The following ADGRL2 variants were observed in gnomAD, a reference collection of about 807,000 sequenced individuals.
ADGRL2 encodes adhesion G protein-coupled receptor L2, also known as calcium-independent alpha-latrotoxin receptor 2.
ADGRL2 carries 44 observed loss-of-function variants against 157.4 expected under a neutral mutation model. The ratio of observed to expected loss-of-function variants is 0.28; its 90% CI spans 0.22 to 0.36. The LOEUF (loss-of-function observed/expected upper bound fraction) is 0.36, where lower values mean the gene tolerates loss of function less well. Among genes scored for constraint, ADGRL2 ranks in the 10% least tolerant of loss-of-function variants. The pLI is 1.00. For missense variants in ADGRL2, 1,510 were observed against 1,768.9 expected, an observed-to-expected ratio of 0.85 and a Z score of 2.63; for synonymous variants, 585 against 624.7, an observed-to-expected ratio of 0.94 and a Z score of 0.95.
chr1:81,934,297 G>A (rs1054747878), intron 3 of ADGRL2, among the ~76,000 whole-genome samples: 2 of 151,900 alleles, frequency 1.3e-5, no homozygotes, highest in African/African-American at 4.8e-5. Flanking sequence ...TTATTATGGT[G>A]TTGGTCCTCT....
At chr1:81,656,085 A>G (rs2082528290) in intron 3 of ADGRL2, among the ~76,000 whole-genome samples, 1 of 152,180 alleles carries the variant, frequency 6.6e-6, no homozygotes, top group African/African-American at 2.4e-5. Flanking sequence ...CATTCCCATG[A>G]TATACTATTG....
chr1:81,612,354 G>C (rs1255212319), intron 3 of ADGRL2, among the ~76,000 whole-genome samples: 2 of 152,164 alleles, frequency 1.3e-5, no homozygotes, highest in African/African-American at 2.4e-5. Context: ...GGCACCATCA[G>C]GGCCTGGATC....
chr1:81,491,563 CA>C (rs2147952609), intron 2 of ADGRL2, among the ~76,000 whole-genome samples: 1 of 152,120 alleles, frequency 6.6e-6, no homozygotes, highest in South Asian at 2.1e-4. Flanking sequence ...GAAGGGATTC[CA>C]ACATCTCAAA....
At chr1:81,968,284 C>G in intron 14 of ADGRL2, 85 bp downstream of exon 14, 7 of 1,121,120 alleles carry the variant, frequency 6.2e-6, no homozygotes, top group Non-Finnish European at 7.9e-6. Flanking sequence ...TCTTTGGGTG[C>G]TTACCGTAAC....
intron 1 of ADGRL2, among the ~76,000 whole-genome samples, chr1:81,342,951 T>C (rs1040800995): frequency 6.6e-6 from 1 of 152,110 alleles, no homozygotes; most frequent in East Asian, 1.9e-4. Context: ...ATAGATACTC[T>C]GAGAAAAAAG....
At chr1:81,922,318 G>A (rs773348583) in intron 3 of ADGRL2, among the ~76,000 whole-genome samples, 12 of 151,986 alleles carry the variant, frequency 7.9e-5, no homozygotes, top group Admixed American at 5.2e-4. Flanking sequence ...TTTTCCTTTC[G>A]GGCATTGTGA....
chr1:81,361,330 T>C (rs560972016), intron 1 of ADGRL2, among the ~76,000 whole-genome samples: 4 of 151,934 alleles, frequency 2.6e-5, no homozygotes, highest in Non-Finnish European at 5.9e-5. Flanking sequence ...CTCTCAGTAA[T>C]AGTCAAACTT....
chr1:81,721,911 C>T, intron 1 of ADGRL2: 2 of 705,358 alleles, frequency 2.8e-6, no homozygotes, highest in Non-Finnish European at 5.2e-6. Context: ...GGCAGACAAA[C>T]CATCAAGTGA....
chr1:81,460,948 T>G (rs186619959), intron 2 of ADGRL2, among the ~76,000 whole-genome samples: 33 of 152,336 alleles, frequency 2.2e-4, no homozygotes, highest in Admixed American at 2.2e-3. Context: ...GCAGTACTTA[T>G]GCAGATGTAT....
chr1:81,307,049 A>G (rs951237792), intron 1 of ADGRL2, among the ~76,000 whole-genome samples: 6 of 152,234 alleles, frequency 3.9e-5, no homozygotes, highest in Non-Finnish European at 8.8e-5. Context: ...ATTCTTCACC[A>G]TTTTAAAATT....
chr1:81,537,388 A>G (rs150459489), intron 2 of ADGRL2, among the ~76,000 whole-genome samples: 6,522 of 152,130 alleles, frequency 0.043, 472 homozygotes, highest in African/African-American at 0.15. Context: ...GGTTCAAGCA[A>G]TTCTCCTGCC....
At chr1:81,461,933 G>C (rs958938500) in intron 2 of ADGRL2, among the ~76,000 whole-genome samples, 28 of 121,764 alleles carry the variant, frequency 2.3e-4, no homozygotes, top group Non-Finnish European at 3.0e-4. Context: ...AGAAGAAAGG[G>C]GGGGGGGGGT....
At chr1:81,747,066 G>A (rs2085300193) in intron 1 of ADGRL2, among the ~76,000 whole-genome samples, 4 of 145,138 alleles carry the variant, frequency 2.8e-5, no homozygotes, top group Non-Finnish European at 6.0e-5. Flanking sequence ...ATACACATGT[G>A]TATATATGTA....
intron 3 of ADGRL2, chr1:81,596,358 A>C (rs2081233238): frequency 3.8e-6 from 2 of 520,514 alleles, no homozygotes; most frequent in Non-Finnish European, 7.5e-6. Context: ...TTGTCCTTTC[A>C]CTTCGAGATT....
chr1:81,390,524 G>C (rs1280759935), intron 1 of ADGRL2, among the ~76,000 whole-genome samples: 1 of 152,308 alleles, frequency 6.6e-6, no homozygotes, highest in African/African-American at 2.4e-5. Flanking sequence ...CTTATGACAG[G>C]AAAGCTCAAA....
intron 1 of ADGRL2, among the ~76,000 whole-genome samples, chr1:81,383,454 G>C (rs953001255): frequency 6.6e-6 from 1 of 151,614 alleles, no homozygotes; most frequent in African/African-American, 2.4e-5. Flanking sequence ...GCCACCACGG[G>C]TGATTATATA....
chr1:81,501,976 C>T lies in ADGRL2; in HGVS notation c.-248+56887C>T, dbSNP rs2078862915. The T allele has an allele frequency of 2.5e-6, 4 of 1,612,968 alleles. No homozygotes were observed. The South Asian group carries it at 3.3e-5, about 13-fold the overall frequency. Reference sequence around the variant, plus strand: ...CTGGGAGACCTTCTGGCAGCACTCCCTTAGGTCCCTTAGCCAGAGTTCCAC... The same window carrying T: ...CTGGGAGACCTTCTGGCAGCACTCCTTTAGGTCCCTTAGCCAGAGTTCCAC... On this transcript the variant is annotated intron_variant, in intron 2 of 24. Transcript: ENST00000370721.
chr1:81,804,075 C>A (rs551064596), intron 1 of ADGRL2, among the ~76,000 whole-genome samples: 1 of 152,182 alleles, frequency 6.6e-6, no homozygotes, highest in South Asian at 2.1e-4. Context: ...TGGTACTCAT[C>A]TGTGGCAACA....
At chr1:81,477,757 T>C (rs111961333) in intron 2 of ADGRL2, among the ~76,000 whole-genome samples, 23 of 152,326 alleles carry the variant, frequency 1.5e-4, no homozygotes, top group African/African-American at 5.5e-4. Context: ...AAAACTTTGG[T>C]AACGAAAAGC....
Sources: allele counts gnomAD v4.1 joint callset (sites outside exome capture counted in the v4.1 genomes callset), GRCh38; gene constraint gnomAD v4.1.1; transcripts MANE v1.5; gene names NCBI Gene and HGNC (gene_info 2026-07-23, HGNC 2026-07-21).